The following SFSWAP variants were observed in gnomAD, a reference collection of about 807,000 sequenced individuals.
SFSWAP encodes splicing factor, suppressor of white-apricot homolog.
Under a neutral mutation model 100.7 loss-of-function variants are expected in SFSWAP, and 17 were observed. The observed-to-expected ratio is 0.17, with a 90% CI of 0.12 to 0.25. SFSWAP has a LOEUF of 0.25. Ranked by LOEUF, SFSWAP falls within the 10% of genes least tolerant of loss-of-function variation. The probability of loss-of-function intolerance (pLI) is 1.00; values close to 1 mark genes in which losing one functional copy is unlikely to be tolerated. For synonymous variants in SFSWAP, 504 were observed against 510.1 expected, an observed-to-expected ratio of 0.99 and a Z score of 0.16; for missense variants, 1,005 against 1,262.6, an observed-to-expected ratio of 0.80 and a Z score of 3.09.
chr12:131,761,820 G>A (rs1009570655), intron 11 of SFSWAP, among the ~76,000 whole-genome samples: 45 of 152,198 alleles, frequency 3.0e-4, no homozygotes, highest in Middle Eastern at 3.4e-3. Flanking sequence ...TTTCAGCCTC[G>A]GTTTTCCCAT....
intron 7 of SFSWAP, among the ~76,000 whole-genome samples, chr12:131,750,591 G>A (rs972040909): frequency 7.2e-5 from 11 of 152,196 alleles, no homozygotes; most frequent in African/African-American, 2.4e-4. Flanking sequence ...GGTTTTTAGC[G>A]TGGAGCCTCT....
Position 131,734,356 on chromosome 12 carries a change from C to A in SFSWAP, c.1081+5928C>A, listed in dbSNP as rs1879800029. 6.6e-6 allele frequency among the ~76,000 whole-genome samples: 1 copy of A among 152,170 alleles called. No individual in the cohort carries two copies. The highest frequency in any genetic ancestry group is 2.1e-4 in the South Asian group (1 of 4,832). On this transcript the variant is annotated intron_variant, in intron 7 of 17. Coordinates refer to ENST00000261674, the MANE Select transcript of SFSWAP (RefSeq NM_004592.4). This position sits in a 1 kb window ranked among gnomAD's most constrained non-coding sequence, Gnocchi z 4.9. ...AATGTCTTGGCTAACCATGATCTTA[C>A]CCAAGAGGACTTAAAATGAATGTGC... is the stretch of plus-strand genomic sequence containing the variant.
intron 11 of SFSWAP, among the ~76,000 whole-genome samples, chr12:131,762,372 C>T (rs1882750149): frequency 6.6e-6 from 1 of 152,144 alleles, no homozygotes. Flanking sequence ...GATTGCACCA[C>T]TGCACTGCAG....
chr12:131,787,796 C>G (rs1054406362), intron 15 of SFSWAP, among the ~76,000 whole-genome samples: 3 of 152,324 alleles, frequency 2.0e-5, no homozygotes, highest in Admixed American at 1.3e-4. Context: ...CTCCCCACAG[C>G]ACCCTGGGCA....
chr12:131,798,922 C>T, intron 16 of SFSWAP, 115 bp from the exon 17 acceptor site: 2 of 722,492 alleles, frequency 2.8e-6, no homozygotes, highest in South Asian at 3.2e-5. Flanking sequence ...GAAGCAGATG[C>T]AGTGGGCACT....
At chr12:131,798,143 A>G (rs1885811294) in intron 16 of SFSWAP, among the ~76,000 whole-genome samples, 2 of 151,994 alleles carry the variant, frequency 1.3e-5, no homozygotes, top group South Asian at 4.1e-4. Flanking sequence ...ACAACATGGC[A>G]GGACCTTGTC....
chr12:131,715,476 A>G (rs975504719), intron 3 of SFSWAP, among the ~76,000 whole-genome samples: 1 of 152,208 alleles, frequency 6.6e-6, no homozygotes, highest in Non-Finnish European at 1.5e-5. Context: ...TTTTAAATTA[A>G]AGATTTGGAA....
intron 8 of SFSWAP, 40 bp from the exon 9 acceptor site, chr12:131,754,328 C>A: frequency 1.4e-6 from 2 of 1,460,138 alleles, no homozygotes; most frequent in South Asian, 1.5e-5. Flanking sequence ...GCTTGGCGAG[C>A]CCCTGAAGCC....
intron 7 of SFSWAP, among the ~76,000 whole-genome samples, chr12:131,740,829 C>T (rs1281877605): frequency 6.6e-6 from 1 of 152,132 alleles, no homozygotes; most frequent in Non-Finnish European, 1.5e-5. Context: ...AGCTGCCCAG[C>T]CTCTATGCAG....
chr12:131,749,726 A>G (rs554571073), intron 7 of SFSWAP, among the ~76,000 whole-genome samples: 1 of 152,332 alleles, frequency 6.6e-6, no homozygotes, highest in East Asian at 1.9e-4. Context: ...CTCACTCATT[A>G]AACACTTACT....
intron 7 of SFSWAP, among the ~76,000 whole-genome samples, chr12:131,738,990 C>G (rs1269466692): frequency 6.7e-6 from 1 of 148,550 alleles, no homozygotes; most frequent in Non-Finnish European, 1.5e-5. Context: ...AGCTATCCTC[C>G]CACCTCAGCC....
chr12:131,775,543 C>T (rs961101181), intron 13 of SFSWAP, among the ~76,000 whole-genome samples: 3 of 152,182 alleles, frequency 2.0e-5, no homozygotes, highest in African/African-American at 4.8e-5. Context: ...GTGCTCAGCT[C>T]GCAAACCTGT....
chr12:131,753,342 C>T lies in SFSWAP; in HGVS notation c.1301C>T (p.Thr434Ile), dbSNP rs1881844235. The change falls in exon 8 of 18, where the codon ACC becomes ATC. Residue 434 changes from threonine to isoleucine, a missense_variant. Physicochemically the swap from Thr to Ile is moderately conservative, Grantham distance 89. Transcript: ENST00000261674. The stretch of plus-strand genomic sequence containing the variant: ...ACAGCAGAGACTAGCAGCGGGGCCA[C>T]CTCCACAACCACCACCACAAGGTAG... ...PTTAETSSGATSTTTTTSALA... is the reference protein window; with the variant it reads ...PTTAETSSGAISTTTTTSALA... The T allele has an allele frequency of 2.5e-6, 4 of 1,613,380 alleles. No homozygotes were observed. Among genetic ancestry groups the T allele is most frequent in the African/African-American group, 2.7e-5 (2 of 75,030 alleles).
chr12:131,788,389 G>A (rs1885036643), intron 15 of SFSWAP, among the ~76,000 whole-genome samples: 1 of 152,228 alleles, frequency 6.6e-6, no homozygotes, highest in Non-Finnish European at 1.5e-5. Flanking sequence ...AAAGTCTGCG[G>A]AGTGTTAAAC....
At chr12:131,766,034 A>G (rs1471019511) in intron 12 of SFSWAP, 84 bp from the exon 13 acceptor site, 1 of 1,369,638 alleles carries the variant, frequency 7.3e-7, no homozygotes, top group Admixed American at 2.2e-5. Context: ...GCATTGTATG[A>G]CACTTTTGCA....
chr12:131,755,564 C>T (rs2136226657), intron 10 of SFSWAP, 85 bp downstream of exon 10: 1 of 924,138 alleles, frequency 1.1e-6, no homozygotes, highest in South Asian at 1.4e-5. Context: ...GTTTCTTCTC[C>T]TACAGGTGAA....
In SFSWAP at chr12:131,778,327, C is replaced by G; in HGVS notation, c.2405C>G (p.Ser802Trp). Residue 802 changes from serine to tryptophan, a missense_variant, in exon 14 of 18, where the codon TCG becomes TGG. By Grantham distance (177) the Ser-to-Trp change is radical. This residue lies in a region of SFSWAP where 295 missense variants were observed against 347.9 expected (regional missense o/e 0.85). Transcript: ENST00000261674. This position sits in a 1 kb window ranked among gnomAD's most constrained non-coding sequence, Gnocchi z 4.2. ...LPSAYRTVRR[S>W]RSRSRSPRRR... ...AGTGCCTATCGGACAGTGCGGCGGT[C>G]GAGGTGGGTGTGAAGGGGGCAGCAC... 6.2e-7 allele frequency: 1 copy of G among 1,611,436 alleles called. No individual in the cohort carries two copies. Among genetic ancestry groups the G allele is most frequent in the Non-Finnish European group, 8.5e-7 (1 of 1,178,332 alleles).
At chr12:131,779,203 A>ATGAGTGTGTGTGAAGAGGGCGGCGCGGG (rs1884270316) in intron 14 of SFSWAP, among the ~76,000 whole-genome samples, 1 of 18,894 alleles carries the variant, frequency 5.3e-5, no homozygotes, top group African/African-American at 9.3e-5. Context: ...GGCAGCGCGG[A>ATGAGTGTGTGTGAAGAGGGCGGCGCGGG]TGAGTGTGTG....
rs554174851 is a variant in SFSWAP, at chr12:131,799,167, C to T, written c.2790+58C>T. ...CTTTCATCAAGGGGCCTCGTGGTTT[C>T]TCTGTTGCTAATTTTCATTCCCTGT... On this transcript the variant is annotated intron_variant, in intron 17 of 17. Coordinates refer to ENST00000261674, the MANE Select transcript of SFSWAP (RefSeq NM_004592.4). 66 of 1,383,502 alleles carry T rather than the reference C, an allele frequency of 4.8e-5. No individual in the cohort carries two copies. In the Admixed American group the frequency reaches 1.1e-3, roughly 23 times the overall value. The allele number at this position is 1,383,502 out of a possible 1,614,324, so 85.7% of individuals were successfully genotyped here.
Sources: allele counts gnomAD v4.1 joint callset (sites outside exome capture counted in the v4.1 genomes callset), GRCh38; gene constraint gnomAD v4.1.1; regional missense constraint gnomAD v4.1.1; non-coding constraint Gnocchi (gnomAD v3.1); transcripts MANE v1.5; gene names NCBI Gene and HGNC (gene_info 2026-07-23, HGNC 2026-07-21).